SUCLG2: variants seen among roughly 807,000 people sequenced by gnomAD.
SUCLG2 encodes succinate--CoA ligase [GDP-forming] subunit beta, mitochondrial.
Under a neutral mutation model 47.9 loss-of-function variants are expected in SUCLG2, and 42 were observed. That is an observed-to-expected ratio of 0.88 (90% confidence interval 0.69 to 1.14). The LOEUF is 1.14. Among genes scored for constraint, SUCLG2 ranks in the 50% most tolerant of loss-of-function variants. The pLI, the probability that SUCLG2 is intolerant of heterozygous loss-of-function variation, is 0.00. For synonymous variants in SUCLG2, 195 were observed against 197.3 expected, an observed-to-expected ratio of 0.99 and a Z score of 0.10; for missense variants, 571 against 525.9, an observed-to-expected ratio of 1.09 and a Z score of -0.84.
intron 9 of SUCLG2, among the ~76,000 whole-genome samples, chr3:67,430,639 T>C (rs1703451959): frequency 6.6e-6 from 1 of 152,016 alleles, no homozygotes; most frequent in African/African-American, 2.4e-5. Context: ...CAAAAAACCC[T>C]TCAAAAAATC....
At chr3:67,499,210 C>A (rs1293073469) in intron 7 of SUCLG2, among the ~76,000 whole-genome samples, 4 of 152,196 alleles carry the variant, frequency 2.6e-5, no homozygotes, top group Non-Finnish European at 5.9e-5. Flanking sequence ...TTTGGTTTTT[C>A]TTTTTGGTGT....
At chr3:67,475,075 T>C (rs1387705684) in intron 9 of SUCLG2, among the ~76,000 whole-genome samples, 1 of 152,004 alleles carries the variant, frequency 6.6e-6, no homozygotes. Flanking sequence ...AGTCTTAATG[T>C]CATATCTTTT....
At chr3:67,401,877 G>A (rs1485938618) in intron 9 of SUCLG2, among the ~76,000 whole-genome samples, 1 of 152,176 alleles carries the variant, frequency 6.6e-6, no homozygotes, top group East Asian at 1.9e-4. Context: ...TCTTACATTT[G>A]TATAGCATTT....
intron 2 of SUCLG2, among the ~76,000 whole-genome samples, chr3:67,565,101 T>G (rs890729746): frequency 4.6e-5 from 7 of 152,184 alleles, no homozygotes; most frequent in Non-Finnish European, 7.4e-5. Context: ...AAATAGTATT[T>G]TGACAGGGAA....
At chr3:67,577,910 CCT>C (rs1224387049) in intron 2 of SUCLG2, among the ~76,000 whole-genome samples, 1 of 152,030 alleles carries the variant, frequency 6.6e-6, no homozygotes, top group South Asian at 2.1e-4. Flanking sequence ...GGAAGGATAC[CCT>C]CTCAAGATCT....
rs538980582 is a variant in SUCLG2, at chr3:67,560,380, T to C, written c.227-31194A>G. The stretch of plus-strand genomic sequence containing the variant: ...ACCATGAAACAATCAATTTCTGTTG[T>C]TCAGGTCACCCAGTTTGTGCTACTT... On this transcript the variant is annotated intron_variant, in intron 2 of 10. Transcript: ENST00000307227. Among the ~76,000 whole-genome samples the C allele has an allele frequency of 4.0e-3, 610 of 152,328 alleles. 5 individuals are homozygous for C. The highest frequency in any genetic ancestry group is 0.01 in the Middle Eastern group (3 of 294).
intron 1 of SUCLG2, among the ~76,000 whole-genome samples, chr3:67,614,149 T>G (rs561389828): frequency 6.6e-6 from 1 of 152,270 alleles, no homozygotes; most frequent in South Asian, 2.1e-4. Flanking sequence ...AATTCTAGAA[T>G]GCAAGGAATG....
intron 9 of SUCLG2, among the ~76,000 whole-genome samples, chr3:67,454,363 A>C (rs1704129782): frequency 6.6e-6 from 1 of 151,828 alleles, no homozygotes; most frequent in South Asian, 2.1e-4. Flanking sequence ...GTTACAAGGC[A>C]ATACTTTTTT....
chr3:67,654,415 G>A (rs1338559551), intron 1 of SUCLG2, 88 bp downstream of exon 1: 11 of 1,094,480 alleles, frequency 1.0e-5, no homozygotes, highest in Non-Finnish European at 1.2e-6. Flanking sequence ...CAGGGGGTCA[G>A]GCGGAGACCA....
chr3:67,597,857 G>C (rs1043621659), intron 2 of SUCLG2, among the ~76,000 whole-genome samples: 1 of 151,974 alleles, frequency 6.6e-6, no homozygotes, highest in African/African-American at 2.4e-5. Flanking sequence ...AGAATCGCTT[G>C]AACCTGGGAG....
chr3:67,602,132 T>C (rs553489700), intron 2 of SUCLG2, among the ~76,000 whole-genome samples: 1 of 152,206 alleles, frequency 6.6e-6, no homozygotes, highest in East Asian at 1.9e-4. Context: ...TCAGTACCAG[T>C]CCTTAAAGGA....
intron 4 of SUCLG2, among the ~76,000 whole-genome samples, chr3:67,523,349 T>C (rs561867002): frequency 1.6e-4 from 25 of 152,318 alleles, no homozygotes; most frequent in Non-Finnish European, 3.5e-4. Flanking sequence ...TGGAAGTTCA[T>C]AAGTATATAA....
At chr3:67,410,485 C>G (rs1575677618) in intron 9 of SUCLG2, among the ~76,000 whole-genome samples, 1 of 152,150 alleles carries the variant, frequency 6.6e-6, no homozygotes, top group South Asian at 2.1e-4. Context: ...GGGAATAGCA[C>G]AAGCACAGTT....
chr3:67,529,539 G>A (rs78679578), intron 2 of SUCLG2, among the ~76,000 whole-genome samples: 5,098 of 152,274 alleles, frequency 0.033, 303 homozygotes, highest in African/African-American at 0.12. Context: ...CTCCCATGTG[G>A]CAGAGGCACC....
rs1399262401 is a variant in SUCLG2 at position 67,400,704 on chromosome 3, G to A, written c.1183+27C>T. The A allele has an allele frequency of 1.9e-6, 3 of 1,607,612 alleles. No individual in the cohort carries two copies. In the South Asian group the frequency reaches 3.3e-5, roughly 18 times the overall value. On this transcript the variant is annotated intron_variant, in intron 10 of 10. Transcript: ENST00000307227. Reference sequence around the variant, plus strand: ...ACCTGACCTTGGAGAAGGGGTGCTGGCACAGCGGAAATCTACCATGACTCA... The same window carrying A: ...ACCTGACCTTGGAGAAGGGGTGCTGACACAGCGGAAATCTACCATGACTCA...
chr3:67,631,969 G>C (rs1360507608), intron 1 of SUCLG2, among the ~76,000 whole-genome samples: 1 of 152,344 alleles, frequency 6.6e-6, no homozygotes, highest in Non-Finnish European at 1.5e-5. Flanking sequence ...AATGGTTCCT[G>C]TGACAACAAA....
intron 10 of SUCLG2, among the ~76,000 whole-genome samples, chr3:67,397,407 C>T (rs1196463602): frequency 6.6e-6 from 1 of 152,062 alleles, no homozygotes; most frequent in Non-Finnish European, 1.5e-5. Flanking sequence ...CATGAGTGAA[C>T]TCCCATTCAC....
At chr3:67,646,667 A>G (rs1701197097) in intron 1 of SUCLG2, among the ~76,000 whole-genome samples, 1 of 152,152 alleles carries the variant, frequency 6.6e-6, no homozygotes, top group Admixed American at 6.5e-5. Context: ...AAAAAAAGGT[A>G]TCTTACAAAG....
At chr3:67,415,687 T>G (rs1233054781) in intron 9 of SUCLG2, among the ~76,000 whole-genome samples, 1 of 152,236 alleles carries the variant, frequency 6.6e-6, no homozygotes, top group Admixed American at 6.5e-5. Context: ...ATACACCAGA[T>G]GCAACACATT....
Sources: gnomAD v4.1 joint callset for allele counts (sites outside exome capture counted in the v4.1 genomes callset) on GRCh38, gnomAD v4.1.1 for gene constraint, MANE v1.5 for transcripts, NCBI Gene and HGNC (gene_info 2026-07-23, HGNC 2026-07-21) for gene names.